The following ANGPT2 variants were observed in gnomAD, a reference collection of about 807,000 sequenced individuals.
The protein encoded by ANGPT2 is angiopoietin-2.
In ANGPT2, 28 loss-of-function variants were observed where a neutral mutation model predicts 62.9. That is an observed-to-expected ratio of 0.44 (90% confidence interval 0.33 to 0.61). The LOEUF (loss-of-function observed/expected upper bound fraction) is 0.61, where lower values mean the gene tolerates loss of function less well. Among genes scored for constraint, ANGPT2 ranks in the 20% least tolerant of loss-of-function variants. The pLI is 0.03. For synonymous variants in ANGPT2, 284 were observed against 207.8 expected, an observed-to-expected ratio of 1.37 and a Z score of -3.15; for missense variants, 727 against 594.9, an observed-to-expected ratio of 1.22 and a Z score of -2.31.
intron 1 of ANGPT2, among the ~76,000 whole-genome samples, chr8:6,549,198 A>G (rs1246704052): frequency 6.6e-6 from 1 of 152,256 alleles, no homozygotes; most frequent in Non-Finnish European, 1.5e-5. Flanking sequence ...GTTGACTTCC[A>G]TAAAAGAACA....
chr8:6,548,118 C>A (rs1462600143), intron 1 of ANGPT2, among the ~76,000 whole-genome samples: 1 of 152,140 alleles, frequency 6.6e-6, no homozygotes, highest in Non-Finnish European at 1.5e-5. Context: ...TTTGGCTGCT[C>A]TTTGGGATTC....
At chr8:6,513,961 G>T (rs1316436460) in intron 6 of ANGPT2, 117 bp from the exon 7 acceptor site, 1 of 987,750 alleles carries the variant, frequency 1.0e-6, no homozygotes, top group East Asian at 2.7e-5. Flanking sequence ...ATTCCTTCTG[G>T]TGCTGTGACA....
intron 8 of ANGPT2, among the ~76,000 whole-genome samples, chr8:6,505,844 TTATA>T (rs1199555207): frequency 1.4e-5 from 2 of 139,164 alleles, no homozygotes; most frequent in South Asian, 2.2e-4. Context: ...TGCATATTCT[TTATA>T]TATGTATATA....
intron 2 of ANGPT2, among the ~76,000 whole-genome samples, chr8:6,530,371 T>C (rs1300107589): frequency 6.6e-6 from 1 of 152,004 alleles, no homozygotes; most frequent in Non-Finnish European, 1.5e-5. Flanking sequence ...TAGCCAGGTG[T>C]GGTAGCCTGC....
At chr8:6,517,275 C>G (rs542230509) in intron 5 of ANGPT2, among the ~76,000 whole-genome samples, 1 of 152,290 alleles carries the variant, frequency 6.6e-6, no homozygotes, top group African/African-American at 2.4e-5. Flanking sequence ...TGATATCTTT[C>G]TATAAAGCTT....
chr8:6,546,099 A>G (rs1224217856), intron 1 of ANGPT2, among the ~76,000 whole-genome samples: 1 of 152,174 alleles, frequency 6.6e-6, no homozygotes, highest in Non-Finnish European at 1.5e-5. Flanking sequence ...TTCTAACATC[A>G]CATTTCTGGT....
At chr8:6,539,594 G>A (rs780813383) in intron 1 of ANGPT2, among the ~76,000 whole-genome samples, 8 of 152,114 alleles carry the variant, frequency 5.3e-5, no homozygotes, top group African/African-American at 1.9e-4. Context: ...CTTTTTTATT[G>A]TCTTTTTTTT....
At chr8:6,549,533 T>A (rs1823226067) in intron 1 of ANGPT2, among the ~76,000 whole-genome samples, 1 of 151,580 alleles carries the variant, frequency 6.6e-6, no homozygotes, top group African/African-American at 2.4e-5. Context: ...ATTACACAGG[T>A]GCGCACATAT....
intron 3 of ANGPT2, among the ~76,000 whole-genome samples, chr8:6,522,058 T>G (rs2129569435): frequency 6.6e-6 from 1 of 152,220 alleles, no homozygotes; most frequent in Admixed American, 6.5e-5. Flanking sequence ...CAAATGGGTT[T>G]TAAAATGTAA....
At chr8:6,541,447 A>G (rs1158008101) in intron 1 of ANGPT2, among the ~76,000 whole-genome samples, 1 of 152,048 alleles carries the variant, frequency 6.6e-6, no homozygotes, top group Non-Finnish European at 1.5e-5. Flanking sequence ...GAAAGACAAT[A>G]TTTCTAGTAG....
chr8:6,558,281 A>G (rs1824975663), intron 1 of ANGPT2, among the ~76,000 whole-genome samples: 1 of 152,236 alleles, frequency 6.6e-6, no homozygotes, highest in East Asian at 1.9e-4. Context: ...GACTGGGGAA[A>G]GAGAATCTAC....
At chr8:6,523,388 C>G (rs1029711554) in intron 3 of ANGPT2, among the ~76,000 whole-genome samples, 3 of 152,112 alleles carry the variant, frequency 2.0e-5, no homozygotes, top group African/African-American at 4.8e-5. Flanking sequence ...GTTTGCCTTC[C>G]TAATTTCAAC....
In ANGPT2 at chr8:6,562,900, T is replaced by A. The variant is rs1825776246; in HGVS notation, c.35A>T (p.Asp12Val). 9 of 1,605,972 alleles carry A rather than the reference T, an allele frequency of 5.6e-6. No individual in the cohort carries two copies. The highest frequency in any genetic ancestry group is 6.8e-6 in the Non-Finnish European group (8 of 1,173,290). ...WQIVFFTLSC[D>V]LVLAAAYNNF... ...GTTATAGGCTGCGGCCAAGACAAGATCACAGCTCAGAGTAAAGAAAACAAT... is the reference window on the plus strand; with the variant it reads ...GTTATAGGCTGCGGCCAAGACAAGAACACAGCTCAGAGTAAAGAAAACAAT... The change falls in exon 1 of 9, where the codon GAT becomes GTT. Residue 12 changes from aspartate to valine, a missense_variant. Coordinates refer to ENST00000629816, the MANE Select transcript of ANGPT2 (RefSeq NM_001118887.2).
At chr8:6,512,765 A>G (rs894338484) in intron 7 of ANGPT2, among the ~76,000 whole-genome samples, 1 of 152,198 alleles carries the variant, frequency 6.6e-6, no homozygotes. Context: ...ATTCCCAGTC[A>G]AGGTTGCCCA....
chr8:6,505,395 ATAG>A (rs1813298637), intron 8 of ANGPT2, among the ~76,000 whole-genome samples: 2 of 79,212 alleles, frequency 2.5e-5, no homozygotes, highest in African/African-American at 9.3e-5. Flanking sequence ...CTATATGTAT[ATAG>A]AATATATATA....
intron 1 of ANGPT2, among the ~76,000 whole-genome samples, chr8:6,556,185 G>A (rs1371039291): frequency 6.6e-6 from 1 of 151,982 alleles, no homozygotes; most frequent in Non-Finnish European, 1.5e-5. Flanking sequence ...TGTTAAAGAG[G>A]TAATTTAAAA....
intron 7 of ANGPT2, among the ~76,000 whole-genome samples, chr8:6,512,382 C>G (rs893612084): frequency 1.3e-5 from 2 of 152,182 alleles, no homozygotes; most frequent in African/African-American, 2.4e-5. Context: ...AGCGGAGTGT[C>G]TGACTTGGGC....
At position 6,501,239 on chromosome 8, in the gene ANGPT2, C is replaced by T. The variant is rs994093921; in HGVS notation, c.*1862G>A. 2.0e-5 allele frequency: 3 copies of T among 152,084 alleles called. No individual in the cohort carries two copies. The highest frequency in any genetic ancestry group is 1.5e-5 in the Non-Finnish European group (1 of 68,016). The allele number at this position is 152,084 out of a possible 1,614,324, so 9.4% of individuals were successfully genotyped here. On this transcript the variant is annotated 3_prime_UTR_variant, in exon 9 of 9. Transcript: ENST00000629816. ...GTAGCAACACCTGTGTGTTCTAAAA[C>T]TACGTCAAGTGGTGGGGAGAAGTTG...
chr8:6,518,477 C>T (rs887181597), intron 5 of ANGPT2, among the ~76,000 whole-genome samples: 4 of 152,130 alleles, frequency 2.6e-5, no homozygotes, highest in African/African-American at 9.7e-5. Flanking sequence ...TTTAACACAG[C>T]ATTAATGAAT....
Sources: allele counts gnomAD v4.1 joint callset (sites outside exome capture counted in the v4.1 genomes callset), GRCh38; gene constraint gnomAD v4.1.1; transcripts MANE v1.5; gene names NCBI Gene and HGNC (gene_info 2026-07-23, HGNC 2026-07-21).